Variants in SGMS1 observed in about 807,000 individuals in gnomAD.
SGMS1 encodes the protein sphingomyelin synthase 1, also known as phosphatidylcholine:ceramide cholinephosphotransferase 1.
Under a neutral mutation model 46.2 loss-of-function variants are expected in SGMS1, and 13 were observed. That is an observed-to-expected ratio of 0.28 (90% CI 0.18 to 0.45). The LOEUF (loss-of-function observed/expected upper bound fraction) is 0.45, where lower values mean the gene tolerates loss of function less well. Among genes scored for constraint, SGMS1 ranks in the 20% least tolerant of loss-of-function variants. SGMS1 has a pLI of 1.00. For missense variants in SGMS1, 324 were observed against 519.9 expected (o/e 0.62, Z 3.66); for synonymous variants, 203 against 187.8 (o/e 1.08, Z -0.66).
intron 5 of SGMS1, among the ~76,000 whole-genome samples, chr10:50,452,314 A>G (rs545603699): frequency 2.6e-5 from 4 of 152,174 alleles, no homozygotes; most frequent in Non-Finnish European, 4.4e-5. Flanking sequence ...CTGACTGTGT[A>G]TAGCAGACAT....
intron 2 of SGMS1, among the ~76,000 whole-genome samples, chr10:50,564,437 C>G (rs1241859566): frequency 6.6e-6 from 1 of 152,186 alleles, no homozygotes; most frequent in African/African-American, 2.4e-5. Flanking sequence ...TAAACCAATA[C>G]TCTAGTTTTT....
chr10:50,329,763 C>T (rs76080649), intron 7 of SGMS1, among the ~76,000 whole-genome samples: 1,756 of 152,270 alleles, frequency 0.012, 41 homozygotes, highest in African/African-American at 0.04. Context: ...AAAATCACAA[C>T]GGTGCTCCCC....
chr10:50,624,248 AT>A (rs1403365476), upstream of SGMS1: 6 of 451,992 alleles, frequency 1.3e-5, no homozygotes, highest in South Asian at 5.5e-4. Flanking sequence ...GGGACGGTAA[AT>A]CCCTTGGGGC....
intron 2 of SGMS1, among the ~76,000 whole-genome samples, chr10:50,589,637 T>A (rs1838521666): frequency 6.7e-6 from 1 of 149,336 alleles, no homozygotes; most frequent in South Asian, 2.1e-4. Context: ...ACCCAGCTAA[T>A]TTTTTTTGTA....
chr10:50,580,472 C>A (rs1040035515), intron 2 of SGMS1, among the ~76,000 whole-genome samples: 3 of 150,442 alleles, frequency 2.0e-5, no homozygotes, highest in African/African-American at 7.3e-5. Flanking sequence ...AAGGGAATCA[C>A]CTCGGGGAAA....
chr10:50,566,283 CT>C (rs200274635), intron 2 of SGMS1, among the ~76,000 whole-genome samples: 207 of 148,472 alleles, frequency 1.4e-3, no homozygotes, highest in African/African-American at 4.3e-3. Flanking sequence ...CTGCCCCACT[CT>C]TTTTTTTTTA....
chr10:50,604,710 T>C (rs1838679382), intron 1 of SGMS1, among the ~76,000 whole-genome samples: 1 of 152,192 alleles, frequency 6.6e-6, no homozygotes, highest in Non-Finnish European at 1.5e-5. Context: ...AGGTCACCTA[T>C]TTAAATCAAG....
intron 6 of SGMS1, among the ~76,000 whole-genome samples, chr10:50,355,628 T>G (rs1564886865): frequency 6.6e-6 from 1 of 152,026 alleles, no homozygotes; most frequent in Non-Finnish European, 1.5e-5. Context: ...CGCTACAACC[T>G]CCACCTCCCA....
intron 6 of SGMS1, among the ~76,000 whole-genome samples, chr10:50,376,733 T>G (rs1848527541): frequency 6.6e-6 from 1 of 152,212 alleles, no homozygotes; most frequent in African/African-American, 2.4e-5. Context: ...GTTTCCAGCT[T>G]CATCCATGTC....
intron 3 of SGMS1, among the ~76,000 whole-genome samples, chr10:50,517,567 C>A (rs927026067): frequency 6.6e-6 from 1 of 151,988 alleles, no homozygotes; most frequent in African/African-American, 2.4e-5. Flanking sequence ...TTCTAACCTC[C>A]ATTTAATCAA....
At chr10:50,480,535 G>A (rs1270149780) in intron 3 of SGMS1, among the ~76,000 whole-genome samples, 1 of 152,234 alleles carries the variant, frequency 6.6e-6, no homozygotes, top group Non-Finnish European at 1.5e-5. Flanking sequence ...AGCTGCACAG[G>A]GCAAGGGGAA....
At chr10:50,583,281 G>A (rs1838451738) in intron 2 of SGMS1, among the ~76,000 whole-genome samples, 1 of 152,086 alleles carries the variant, frequency 6.6e-6, no homozygotes, top group Non-Finnish European at 1.5e-5. Flanking sequence ...ATCTGAAAAT[G>A]CTTTTCAAAC....
chr10:50,577,485 G>C (rs112635949), intron 2 of SGMS1, among the ~76,000 whole-genome samples: 2 of 152,190 alleles, frequency 1.3e-5, no homozygotes, highest in African/African-American at 4.8e-5. Flanking sequence ...GCAAGAATTC[G>C]TAATTTATTC....
intron 5 of SGMS1, among the ~76,000 whole-genome samples, chr10:50,441,993 G>A (rs947750226): frequency 6.6e-6 from 1 of 151,920 alleles, no homozygotes; most frequent in African/African-American, 2.4e-5. Context: ...CCCTCCAAAG[G>A]CAATGTTTCT....
chr10:50,347,955 CA>C (rs1215963962), intron 6 of SGMS1, among the ~76,000 whole-genome samples: 1 of 152,182 alleles, frequency 6.6e-6, no homozygotes, highest in African/African-American at 2.4e-5. Context: ...TGGTTTGCTG[CA>C]CCTATCAATC....
intron 2 of SGMS1, among the ~76,000 whole-genome samples, chr10:50,562,567 G>A (rs1006837147): frequency 6.6e-6 from 1 of 151,934 alleles, no homozygotes; most frequent in Non-Finnish European, 1.5e-5. Context: ...TTTTTGAGAC[G>A]GAGTCTCGCT....
At chr10:50,610,822 C>G (rs1185863551) in intron 1 of SGMS1, among the ~76,000 whole-genome samples, 1 of 152,262 alleles carries the variant, frequency 6.6e-6, no homozygotes, top group East Asian at 1.9e-4. Flanking sequence ...AAACTCCATA[C>G]GAGCTGAGAC....
chr10:50,567,553 C>G (rs910242121), intron 2 of SGMS1, among the ~76,000 whole-genome samples: 1 of 152,180 alleles, frequency 6.6e-6, no homozygotes, highest in Non-Finnish European at 1.5e-5. Flanking sequence ...CACCTGGCAA[C>G]GAGGAACAGG....
chr10:50,495,574 A>G (rs1837608401), intron 3 of SGMS1, among the ~76,000 whole-genome samples: 1 of 152,192 alleles, frequency 6.6e-6, no homozygotes, highest in South Asian at 2.1e-4. Flanking sequence ...TTTATTCTAC[A>G]GATGTACTGA....
Sources: gnomAD v4.1 joint callset for allele counts (sites outside exome capture counted in the v4.1 genomes callset) on GRCh38, gnomAD v4.1.1 for gene constraint, MANE v1.5 for transcripts, NCBI Gene and HGNC (gene_info 2026-07-23, HGNC 2026-07-21) for gene names.